RUFY2: variants seen among roughly 807,000 people sequenced by gnomAD.
RUFY2 encodes RUN and FYVE domain-containing protein 2.
Under a neutral mutation model 94.4 loss-of-function variants are expected in RUFY2, and 49 were observed. That is an observed-to-expected ratio of 0.52 (90% CI 0.41 to 0.66). The LOEUF is 0.66. Among genes scored for constraint, RUFY2 ranks in the 30% least tolerant of loss-of-function variants. The pLI is 0.00. For missense variants in RUFY2, 541 were observed against 692.8 expected, an observed-to-expected ratio of 0.78 and a Z score of 2.46; for synonymous variants, 255 against 235.7, an observed-to-expected ratio of 1.08 and a Z score of -0.75.
chr10:68,400,887 C>T (rs1185136375), intron 3 of RUFY2, among the ~76,000 whole-genome samples: 1 of 151,894 alleles, frequency 6.6e-6, no homozygotes, highest in Non-Finnish European at 1.5e-5. Context: ...GTGGCGGGCG[C>T]CTGTAGTCCC....
At chr10:68,399,835 G>A (rs993018402) in intron 3 of RUFY2, among the ~76,000 whole-genome samples, 3 of 152,300 alleles carry the variant, frequency 2.0e-5, no homozygotes, top group African/African-American at 4.8e-5. Context: ...AGGCTTGAGT[G>A]CAATGGCGTG....
At chr10:68,385,390 T>TA (rs551175612) in intron 8 of RUFY2, among the ~76,000 whole-genome samples, 28 of 151,932 alleles carry the variant, frequency 1.8e-4, no homozygotes, top group South Asian at 1.3e-3. Context: ...TTTAATACAT[T>TA]AAAAAAAATC....
chr10:68,380,030 G>A (rs999992863), intron 11 of RUFY2, among the ~76,000 whole-genome samples: 4 of 151,694 alleles, frequency 2.6e-5, no homozygotes, highest in Admixed American at 6.6e-5. Context: ...GGATGGTCTC[G>A]ATCTCCTGAC....
At chr10:68,403,211 G>GAA (rs201649166) in intron 2 of RUFY2, among the ~76,000 whole-genome samples, 27 of 143,376 alleles carry the variant, frequency 1.9e-4, no homozygotes, top group Non-Finnish European at 3.4e-4. Flanking sequence ...TACAGTTAAA[G>GAA]AAAAAAAAAA....
intron 10 of RUFY2, among the ~76,000 whole-genome samples, chr10:68,382,716 A>G (rs570777417): frequency 2.1e-3 from 284 of 133,338 alleles, no homozygotes; most frequent in African/African-American, 9.3e-3. Context: ...TCTATCTCAA[A>G]AAAAAAAAAA....
chr10:68,363,559 GACT>G, intron 15 of RUFY2, 28 bp downstream of exon 15: 1 of 1,373,728 alleles, frequency 7.3e-7, no homozygotes, highest in Non-Finnish European at 1.0e-6. Flanking sequence ...AGTCAATAAT[GACT>G]ACTTAGTTGA....
At chr10:68,355,508 GTA>G (rs2046984019) in intron 15 of RUFY2, 107 bp from the exon 16 acceptor site, 1 of 629,814 alleles carries the variant, frequency 1.6e-6, no homozygotes, top group Non-Finnish European at 2.7e-6. Flanking sequence ...ATTATGTATA[GTA>G]TATGATTTTT....
intron 15 of RUFY2, among the ~76,000 whole-genome samples, chr10:68,360,324 A>G (rs1434732131): frequency 6.6e-6 from 1 of 152,030 alleles, no homozygotes; most frequent in East Asian, 1.9e-4. Context: ...AGCTGGATGT[A>G]GTGGCTCACA....
rs144803119 is a variant in RUFY2 at position 68,393,127 on chromosome 10, A to G, written c.650+11T>C. On this transcript the variant is annotated intron_variant, in intron 7 of 17. Transcript: ENST00000602465. The stretch of plus-strand genomic sequence containing the variant: ...ATATTCATAAATGTGCTAAGTATCC[A>G]TAATACTTACTTCAGTTGTCTATTT... 154 of 1,406,862 alleles carry G rather than the reference A, an allele frequency of 1.1e-4. No homozygotes were observed. Among genetic ancestry groups the G allele is most frequent in the African/African-American group, 1.0e-3 (70 of 69,742 alleles). The allele number at this position is 1,406,862 out of a possible 1,614,324, so 87.1% of individuals were successfully genotyped here.
downstream of RUFY2, chr10:68,342,156 G>A: frequency 1.4e-6 from 1 of 722,064 alleles, no homozygotes; most frequent in African/African-American, 1.8e-5. Context: ...TATAATGACT[G>A]AAGGAATGTG....
At chr10:68,405,940 A>G (rs2051259863) in intron 1 of RUFY2, among the ~76,000 whole-genome samples, 1 of 152,096 alleles carries the variant, frequency 6.6e-6, no homozygotes, top group Non-Finnish European at 1.5e-5. Context: ...CAAGTAAGAT[A>G]TTTTCAATTC....
At chr10:68,372,767 G>T (rs2048367464) in intron 13 of RUFY2, among the ~76,000 whole-genome samples, 1 of 151,880 alleles carries the variant, frequency 6.6e-6, no homozygotes, top group African/African-American at 2.4e-5. Flanking sequence ...AAATTAGCCA[G>T]GTATGGTGAC....
intron 15 of RUFY2, among the ~76,000 whole-genome samples, chr10:68,359,459 GTAA>G (rs1219361818): frequency 6.9e-6 from 1 of 144,440 alleles, no homozygotes; most frequent in Non-Finnish European, 1.5e-5. Flanking sequence ...ATACATAGTA[GTAA>G]TGCTACTATA....
intron 2 of RUFY2, among the ~76,000 whole-genome samples, chr10:68,402,651 A>AT (rs2050936863): frequency 6.6e-6 from 1 of 151,056 alleles, no homozygotes; most frequent in Non-Finnish European, 1.5e-5. Flanking sequence ...TGCACTCCTG[A>AT]TTTTTTCTGA....
chr10:68,341,941 T>C (rs370935629), downstream of RUFY2: 31 of 1,602,664 alleles, frequency 1.9e-5, no homozygotes, highest in East Asian at 1.1e-4. Context: ...TATGCAGATA[T>C]CTCCTGCTGA....
intron 13 of RUFY2, among the ~76,000 whole-genome samples, chr10:68,364,465 G>GT (rs1255854269): frequency 1.3e-5 from 2 of 152,322 alleles, no homozygotes; most frequent in Admixed American, 6.5e-5. Context: ...GAGGAGGAAT[G>GT]TAAGATTCTA....
rs1012066142 is a variant in RUFY2 at position 68,394,918 on chromosome 10, C to T, written c.399-467G>A. On this transcript the variant is annotated intron_variant, in intron 4 of 17. Coordinates refer to ENST00000602465, the MANE Select transcript of RUFY2 (RefSeq NM_001330103.2). Reference sequence around the variant, plus strand: ...TGCTGGGATTACAGGCGTGAGCCACCGCGCCTAGCCAACTTTTCATATTTT... The same window carrying T: ...TGCTGGGATTACAGGCGTGAGCCACTGCGCCTAGCCAACTTTTCATATTTT... 7.9e-5 allele frequency among the ~76,000 whole-genome samples: 12 copies of T among 151,836 alleles called. No homozygotes were observed. In the East Asian group the frequency reaches 1.5e-3, roughly 20 times the overall value.
chr10:68,396,960 C>A, intron 3 of RUFY2, 79 bp from the exon 4 acceptor site: 4 of 927,274 alleles, frequency 4.3e-6, no homozygotes, highest in Admixed American at 2.3e-5. Flanking sequence ...TAAACATTAA[C>A]AAGGAAAAAG....
intron 3 of RUFY2, among the ~76,000 whole-genome samples, chr10:68,398,102 G>A (rs562399632): frequency 1.4e-5 from 2 of 144,880 alleles, no homozygotes; most frequent in East Asian, 4.0e-4. Context: ...ACTCCAGCCT[G>A]GGCAACAAGG....
Sources: allele counts gnomAD v4.1 joint callset (sites outside exome capture counted in the v4.1 genomes callset), GRCh38; gene constraint gnomAD v4.1.1; transcripts MANE v1.5; gene names NCBI Gene and HGNC (gene_info 2026-07-23, HGNC 2026-07-21).